Variants in PDE3A observed in about 807,000 individuals in gnomAD.
The protein encoded by PDE3A is cGMP-inhibited 3',5'-cyclic phosphodiesterase 3A.
Under a neutral mutation model 98.3 loss-of-function variants are expected in PDE3A, and 43 were observed. The observed-to-expected ratio is 0.44, with a 90% CI of 0.34 to 0.56. PDE3A has a LOEUF of 0.56. Ranked by LOEUF, PDE3A falls within the 20% of genes least tolerant of loss-of-function variation. The probability of loss-of-function intolerance (pLI) is 0.01; values close to 1 mark genes in which losing one functional copy is unlikely to be tolerated. For synonymous variants in PDE3A, 663 were observed against 567.9 expected (o/e 1.17, Z -2.38); for missense variants, 1,427 against 1,440.7 (o/e 0.99, Z 0.15).
chr12:20,533,070 A>G (rs947482103), intron 1 of PDE3A, among the ~76,000 whole-genome samples: 2 of 152,220 alleles, frequency 1.3e-5, no homozygotes, highest in Admixed American at 1.3e-4. Context: ...TAATACAATT[A>G]TGGTAGTAAT....
intron 3 of PDE3A, among the ~76,000 whole-genome samples, chr12:20,615,179 C>T (rs1018738663): frequency 1.3e-5 from 2 of 152,014 alleles, no homozygotes; most frequent in Non-Finnish European, 2.9e-5. Context: ...GTTGGAATTA[C>T]AGGCGTGAGC....
In PDE3A at chr12:20,680,526, G is replaced by A. The variant is rs1264479499; in HGVS notation, c.*255G>A. 1 of 408,790 alleles carries A rather than the reference G, an allele frequency of 2.4e-6. No individual in the cohort carries two copies. Among genetic ancestry groups the A allele is most frequent in the Non-Finnish European group, 4.5e-6 (1 of 224,004 alleles). 25.3% of individuals were successfully genotyped at this position (408,790 alleles called of 1,614,324 possible). A position where few individuals can be genotyped will look rare whatever the true frequency, so the allele number is the denominator to read the frequency against. On this transcript the variant is annotated 3_prime_UTR_variant, in exon 16 of 16. Transcript: ENST00000359062. ...AAGGAGGGAATATATATGTGTGTGT[G>A]TATATAAGCTCCCACATAGATACAT...
intron 2 of PDE3A, among the ~76,000 whole-genome samples, chr12:20,593,603 G>T (rs1943394201): frequency 6.6e-6 from 1 of 151,910 alleles, no homozygotes; most frequent in South Asian, 2.1e-4. Context: ...TGACCAATTT[G>T]ATGTTGAAGG....
intron 15 of PDE3A, among the ~76,000 whole-genome samples, chr12:20,679,408 T>C (rs10770700): frequency 0.69 from 105,498 of 151,816 alleles, 36,884 homozygotes; most frequent in East Asian, 0.85. Context: ...CCACCACGCC[T>C]GGTTAATTTT....
At position 20,608,095 on chromosome 12, in the gene PDE3A, A is replaced by G. The variant is rs533796866; in HGVS notation, c.1012-5348A>G. Among the ~76,000 whole-genome samples, 36 of 152,334 alleles carry G rather than the reference A, an allele frequency of 2.4e-4. No homozygotes were observed. In the South Asian group the frequency reaches 7.5e-3, roughly 32 times the overall value. On this transcript the variant is annotated intron_variant, in intron 2 of 15. Coordinates refer to ENST00000359062, the MANE Select transcript of PDE3A (RefSeq NM_000921.5). Reference sequence around the variant, plus strand: ...TCCCTTAAAATTCCTTAATAGGGACATCCTAGACATACCCATCCTTTGTAG... The same window carrying G: ...TCCCTTAAAATTCCTTAATAGGGACGTCCTAGACATACCCATCCTTTGTAG...
chr12:20,507,247 A>C (rs1239429311), intron 1 of PDE3A, among the ~76,000 whole-genome samples: 3 of 152,014 alleles, frequency 2.0e-5, no homozygotes, highest in African/African-American at 7.2e-5. Flanking sequence ...CTCTTCTAAA[A>C]TTCATTACCA....
At chr12:20,498,633 T>A (rs2121073982) in intron 1 of PDE3A, among the ~76,000 whole-genome samples, 1 of 152,274 alleles carries the variant, frequency 6.6e-6, no homozygotes, top group Non-Finnish European at 1.5e-5. Context: ...CTGCCATGGA[T>A]ATCAAGAGAT....
At chr12:20,538,669 T>A (rs1941814374) in intron 1 of PDE3A, among the ~76,000 whole-genome samples, 1 of 152,154 alleles carries the variant, frequency 6.6e-6, no homozygotes, top group Admixed American at 6.6e-5. Flanking sequence ...GAGCTAAAAA[T>A]TCTTTACTAC....
chr12:20,451,691 T>C (rs1945068805), intron 1 of PDE3A, among the ~76,000 whole-genome samples: 1 of 152,126 alleles, frequency 6.6e-6, no homozygotes, highest in African/African-American at 2.4e-5. Flanking sequence ...AAGCAAAAGG[T>C]GATTTATTTC....
chr12:20,369,355 C>G lies in PDE3A; in HGVS notation c.71C>G (p.Thr24Arg). The change falls in exon 1 of 16, where the codon ACG becomes AGG. Residue 24 changes from threonine (T) to arginine (R), a missense_variant. Physicochemically the swap from Thr to Arg is moderately conservative, Grantham distance 71. Coordinates refer to ENST00000359062, the MANE Select transcript of PDE3A (RefSeq NM_000921.5). ...CACAGTGGGGTGAGTCAAGCCCCCA[C>G]GGCGGGCCGGGACTGCCACCATCGT... Reference protein sequence around the residue: ...PVHSGVSQAPTAGRDCHHRAD... With the variant: ...PVHSGVSQAPRAGRDCHHRAD... 2 of 1,548,778 alleles carry G rather than the reference C, an allele frequency of 1.3e-6. No individual in the cohort carries two copies. The highest frequency in any genetic ancestry group is 1.2e-5 in the South Asian group (1 of 83,952).
chr12:20,469,362 C>T (rs982576681), intron 1 of PDE3A, among the ~76,000 whole-genome samples: 3 of 152,084 alleles, frequency 2.0e-5, no homozygotes, highest in African/African-American at 7.2e-5. Context: ...AATATCCTGC[C>T]AGTTTCATGT....
intron 8 of PDE3A, among the ~76,000 whole-genome samples, chr12:20,636,877 T>C (rs768233059): frequency 1.1e-4 from 16 of 152,182 alleles, no homozygotes; most frequent in Non-Finnish European, 2.1e-4. Context: ...AAGCACCTAA[T>C]AGTGCAAAAT....
chr12:20,562,574 C>T (rs1279403476), intron 2 of PDE3A, among the ~76,000 whole-genome samples: 3 of 151,866 alleles, frequency 2.0e-5, no homozygotes, highest in African/African-American at 7.3e-5. Flanking sequence ...TTCCAAGGGG[C>T]CAATAATTTA....
intron 1 of PDE3A, among the ~76,000 whole-genome samples, chr12:20,393,131 A>G (rs1384138454): frequency 6.6e-6 from 1 of 151,994 alleles, no homozygotes; most frequent in East Asian, 1.9e-4. Context: ...AAGAATTGTA[A>G]TGTTCCTTTA....
intron 1 of PDE3A, among the ~76,000 whole-genome samples, chr12:20,419,429 A>G (rs1057302626): frequency 1.3e-5 from 2 of 151,960 alleles, no homozygotes; most frequent in East Asian, 3.9e-4. Context: ...AGTAGCTGGG[A>G]CTACAGGTGT....
intron 2 of PDE3A, among the ~76,000 whole-genome samples, chr12:20,572,819 C>G (rs775133157): frequency 9.2e-5 from 14 of 152,086 alleles, no homozygotes; most frequent in Non-Finnish European, 2.1e-4. Flanking sequence ...ACGGTCCTTC[C>G]AATTCTGAAG....
intron 2 of PDE3A, among the ~76,000 whole-genome samples, chr12:20,586,743 G>A (rs1482912212): frequency 6.6e-6 from 1 of 152,138 alleles, no homozygotes; most frequent in East Asian, 1.9e-4. Context: ...TAGGAAAGAC[G>A]AAGGCTTAGG....
At position 20,604,515 on chromosome 12, in the gene PDE3A, C is replaced by T. The variant is rs573744275; in HGVS notation, c.1012-8928C>T. 4.6e-5 allele frequency among the ~76,000 whole-genome samples: 7 copies of T among 152,144 alleles called. No individual in the cohort carries two copies. The South Asian group carries it at 1.4e-3, about 32-fold the overall frequency. On this transcript the variant is annotated intron_variant, in intron 2 of 15. Transcript: ENST00000359062. ...GCTTCCCAAATGCTAATTCATAAAC[C>T]AGGCTTAGCTTTCTAGCTCTTGTTC...
chr12:20,571,407 G>A (rs190428994), intron 2 of PDE3A, among the ~76,000 whole-genome samples: 208 of 152,258 alleles, frequency 1.4e-3, no homozygotes, highest in African/African-American at 4.8e-3. Context: ...ACATTATAGT[G>A]TACATGAATG....
Sources: allele counts gnomAD v4.1 joint callset (sites outside exome capture counted in the v4.1 genomes callset), GRCh38; gene constraint gnomAD v4.1.1; transcripts MANE v1.5; gene names NCBI Gene and HGNC (gene_info 2026-07-23, HGNC 2026-07-21).